The following MALRD1 variants were observed in gnomAD, a reference collection of about 807,000 sequenced individuals.
MALRD1 encodes the protein MAM and LDL receptor class A domain containing 1, also known as MAM and LDL-receptor class A domain-containing protein 1.
MALRD1 carries 247 observed loss-of-function variants against 242.1 expected under a neutral mutation model. The observed-to-expected ratio is 1.02, with a 90% CI of 0.92 to 1.13. The LOEUF is 1.13. Ranked by LOEUF, MALRD1 falls within the 50% of genes most tolerant of loss-of-function variation. The probability of loss-of-function intolerance (pLI) is 0.00; values close to 1 mark genes in which losing one functional copy is unlikely to be tolerated. For missense variants in MALRD1, 2,989 were observed against 2,533.1 expected, an observed-to-expected ratio of 1.18 and a Z score of -3.86; for synonymous variants, 995 against 866.6, an observed-to-expected ratio of 1.15 and a Z score of -2.60.
chr10:19,177,349 A>G (rs146379189), intron 14 of MALRD1, among the ~76,000 whole-genome samples: 245 of 152,078 alleles, frequency 1.6e-3, no homozygotes, highest in African/African-American at 5.8e-3. Flanking sequence ...TTGTTTAATT[A>G]AAGATTTTCT....
Position 19,347,915 on chromosome 10 carries a change from C to A in MALRD1, c.4046C>A (p.Ser1349Ter). The change falls in exon 25 of 40, where the codon TCA becomes TAA. Residue 1349 changes from serine (S) to a stop codon, truncating the protein, a stop_gained. Coordinates refer to ENST00000454679, the MANE Select transcript of MALRD1 (RefSeq NM_001142308.3). LOFTEE classifies it high-confidence loss of function. ...EPAADHTLGN[S>*]SGHYIFIKSL... Reference sequence around the variant, plus strand: ...GCAGCAGATCACACTTTGGGAAATTCATCTGGTCATTACATCTTTATAAAG... The same window carrying A: ...GCAGCAGATCACACTTTGGGAAATTAATCTGGTCATTACATCTTTATAAAG... 6.5e-7 allele frequency: 1 copy of A among 1,550,312 alleles called. No homozygotes were observed. Among genetic ancestry groups the A allele is most frequent in the Non-Finnish European group, 8.7e-7 (1 of 1,146,828 alleles).
chr10:19,410,736 C>T (rs958845211), intron 28 of MALRD1, among the ~76,000 whole-genome samples: 6 of 140,288 alleles, frequency 4.3e-5, no homozygotes, highest in South Asian at 2.2e-4. Flanking sequence ...TAGGAAGAGT[C>T]AAGAATAAAT....
intron 1 of MALRD1, chr10:19,052,094 G>T: frequency 2.2e-6 from 1 of 449,252 alleles, no homozygotes; most frequent in Admixed American, 2.7e-5. Flanking sequence ...CCATGTCAGG[G>T]CTAGCAAAAT....
intron 38 of MALRD1, among the ~76,000 whole-genome samples, chr10:19,719,214 A>ATT (rs1183007306): frequency 3.9e-5 from 1 of 25,872 alleles, no homozygotes; most frequent in Non-Finnish European, 6.3e-5. Flanking sequence ...ATATATATAC[A>ATT]CATACATACA....
chr10:19,611,928 C>G (rs1589306068), intron 35 of MALRD1, among the ~76,000 whole-genome samples: 1 of 151,960 alleles, frequency 6.6e-6, no homozygotes, highest in Non-Finnish European at 1.5e-5. Context: ...CTGTGCTCCA[C>G]TATAGAGCAT....
chr10:19,657,437 G>T (rs1472004394), intron 36 of MALRD1, among the ~76,000 whole-genome samples: 4 of 152,060 alleles, frequency 2.6e-5, no homozygotes, highest in African/African-American at 4.8e-5. Context: ...CACATCAGGG[G>T]CATCTGTATC....
intron 28 of MALRD1, among the ~76,000 whole-genome samples, chr10:19,448,914 T>C (rs1265232868): frequency 1.3e-5 from 2 of 152,078 alleles, no homozygotes; most frequent in African/African-American, 4.8e-5. Flanking sequence ...AATCCTTTAT[T>C]ACATCCATCA....
At chr10:19,325,239 C>T (rs1259237508) in intron 22 of MALRD1, among the ~76,000 whole-genome samples, 1 of 151,926 alleles carries the variant, frequency 6.6e-6, no homozygotes, top group African/African-American at 2.4e-5. Flanking sequence ...ATTTGCTCCT[C>T]AAACTGTCTC....
At chr10:19,396,031 T>C (rs1327443451) in intron 28 of MALRD1, among the ~76,000 whole-genome samples, 1 of 152,184 alleles carries the variant, frequency 6.6e-6, no homozygotes, top group South Asian at 2.1e-4. Flanking sequence ...TTATCACTAT[T>C]ATTGTTGCCA....
chr10:19,722,935 G>T (rs1009064794), intron 38 of MALRD1, among the ~76,000 whole-genome samples: 1 of 152,138 alleles, frequency 6.6e-6, no homozygotes, highest in Non-Finnish European at 1.5e-5. Flanking sequence ...AACTTAGTAA[G>T]TCTAGGACCC....
At chr10:19,493,947 A>G (rs1385916669) in intron 30 of MALRD1, among the ~76,000 whole-genome samples, 1 of 152,222 alleles carries the variant, frequency 6.6e-6, no homozygotes, top group Admixed American at 6.5e-5. Flanking sequence ...TAGGGCATTT[A>G]ATAGTCACCC....
chr10:19,546,581 TC>T (rs1455741693), intron 32 of MALRD1, among the ~76,000 whole-genome samples: 1 of 152,238 alleles, frequency 6.6e-6, no homozygotes, highest in African/African-American at 2.4e-5. Context: ...ATGCACAGCT[TC>T]TTCTCTTTGG....
chr10:19,641,143 G>A (rs942056173), intron 36 of MALRD1, among the ~76,000 whole-genome samples: 7 of 152,058 alleles, frequency 4.6e-5, no homozygotes, highest in African/African-American at 9.7e-5. Flanking sequence ...CTATGATGGC[G>A]GGTAATTTTT....
In MALRD1 at chr10:19,280,013, G is replaced by A. The variant is rs1177976017; in HGVS notation, c.3080-34G>A. ...AAAGCAGTAGAAAACCAGAAAACCT[G>A]CTAAATGATGCCTGTATATTATTTC... On this transcript the variant is annotated intron_variant, in intron 19 of 39. Transcript: ENST00000454679. The A allele has an allele frequency of 4.9e-6, 7 of 1,425,564 alleles. No homozygotes were observed. In the South Asian group the frequency reaches 9.4e-5, roughly 19 times the overall value. The allele number at this position is 1,425,564 out of a possible 1,614,324, so 88.3% of individuals were successfully genotyped here.
intron 33 of MALRD1, among the ~76,000 whole-genome samples, chr10:19,573,819 A>G (rs1836673291): frequency 6.6e-6 from 1 of 152,192 alleles, no homozygotes; most frequent in South Asian, 2.1e-4. Context: ...CCTTAAATAA[A>G]TACAATAAAT....
At chr10:19,537,152 T>C (rs1834723450) in intron 32 of MALRD1, among the ~76,000 whole-genome samples, 1 of 152,162 alleles carries the variant, frequency 6.6e-6, no homozygotes, top group Non-Finnish European at 1.5e-5. Flanking sequence ...TTGTACATGA[T>C]AAGGAGACTC....
chr10:19,456,033 G>A (rs146614373), intron 29 of MALRD1, among the ~76,000 whole-genome samples: 1 of 152,278 alleles, frequency 6.6e-6, no homozygotes, highest in Non-Finnish European at 1.5e-5. Context: ...GGTATAAGAT[G>A]TTGCCTTTTC....
intron 28 of MALRD1, among the ~76,000 whole-genome samples, chr10:19,447,198 CTT>C (rs1835044843): frequency 6.6e-6 from 1 of 152,062 alleles, no homozygotes; most frequent in Admixed American, 6.6e-5. Flanking sequence ...GGCTCCATGT[CTT>C]TTCACCTTTT....
intron 34 of MALRD1, among the ~76,000 whole-genome samples, chr10:19,596,117 A>C (rs1178282142): frequency 6.6e-6 from 1 of 152,160 alleles, no homozygotes; most frequent in East Asian, 1.9e-4. Context: ...AAATGCATGT[A>C]AAATTCCAGG....
Sources: allele counts gnomAD v4.1 joint callset (sites outside exome capture counted in the v4.1 genomes callset), GRCh38; gene constraint gnomAD v4.1.1; transcripts MANE v1.5; gene names NCBI Gene and HGNC (gene_info 2026-07-23, HGNC 2026-07-21).